Variants in ADAM10 observed in about 807,000 individuals in gnomAD.
ADAM10 encodes disintegrin and metalloproteinase domain-containing protein 10.
In ADAM10, 17 loss-of-function variants were observed where a neutral mutation model predicts 90.1. The observed-to-expected ratio is 0.19, with a 90% CI of 0.13 to 0.28. The LOEUF (loss-of-function observed/expected upper bound fraction) is 0.28. Ranked by LOEUF, ADAM10 falls within the 10% of genes least tolerant of loss-of-function variation. The pLI is 1.00. For missense variants in ADAM10, 610 were observed against 914.3 expected (o/e 0.67, Z 4.29); for synonymous variants, 310 against 298.6 (o/e 1.04, Z -0.40).
chr15:58,678,004 G>C (rs1434666626), intron 4 of ADAM10, among the ~76,000 whole-genome samples: 1 of 152,032 alleles, frequency 6.6e-6, no homozygotes, highest in Non-Finnish European at 1.5e-5. Flanking sequence ...CGAAAGCAAA[G>C]GAATTCATAT....
chr15:58,614,346 G>A (rs1895541672), intron 11 of ADAM10, among the ~76,000 whole-genome samples: 2 of 151,764 alleles, frequency 1.3e-5, no homozygotes, highest in South Asian at 4.2e-4. Flanking sequence ...TAAAATAATA[G>A]CTGAAAATGG....
Position 58,613,038 on chromosome 15 carries a change from C to G in ADAM10, c.1512-1047G>C, listed in dbSNP as rs144332873. ...TGTCAGACCTGACACCAAGAGGGAT[C>G]CCCTTGGCTAAGTCTCACCATTATG... is the stretch of plus-strand genomic sequence containing the variant. On this transcript the variant is annotated intron_variant, in intron 11 of 15. Transcript: ENST00000260408. 2.0e-5 allele frequency among the ~76,000 whole-genome samples: 3 copies of G among 152,310 alleles called. 1 individual carries two copies. The South Asian group carries it at 6.2e-4, about 32-fold the overall frequency.
chr15:58,636,118 A>G (rs1041936471), intron 8 of ADAM10, among the ~76,000 whole-genome samples: 38 of 152,126 alleles, frequency 2.5e-4, no homozygotes, highest in African/African-American at 9.2e-4. Context: ...CTTTACTAAA[A>G]TTACAAAAAT....
chr15:58,611,862 G>C lies in ADAM10; in HGVS notation c.1641C>G (p.Asp547Glu), dbSNP rs781383287. 1.2e-6 allele frequency: 2 copies of C among 1,614,184 alleles called. No homozygotes were observed. Among genetic ancestry groups the C allele is most frequent in the Non-Finnish European group, 8.5e-7 (1 of 1,180,028 alleles). ...TACAGTCTGTGAAGTTTGGTTTAGG[G>C]TCAGATGCTGGGCAGAGAGCTGTGA... ...NGFTALCPAS[D>E]PKPNFTDCNR... The change falls in exon 12 of 16, where the codon GAC becomes GAG. Residue 547 changes from aspartate (D) to glutamate (E), a missense_variant. Around this residue, in one of 4 missense-constraint regions of ADAM10, gnomAD observed 150 missense variants for 268.5 expected, o/e 0.56. Transcript: ENST00000260408.
chr15:58,644,382 ACCATGC>A (rs1194127783), intron 6 of ADAM10, among the ~76,000 whole-genome samples: 7 of 151,556 alleles, frequency 4.6e-5, no homozygotes, highest in Non-Finnish European at 8.8e-5. Flanking sequence ...GGCGCCTACC[ACCATGC>A]CCAGCTAATT....
Position 58,749,555 on chromosome 15 carries a change from G to A in ADAM10, c.-21C>T. On this transcript the variant is annotated 5_prime_UTR_variant, in exon 1 of 16. Coordinates refer to ENST00000260408, the MANE Select transcript of ADAM10 (RefSeq NM_001110.4). ...ACCATCTTCCGCTGCCGCTGCCGCC[G>A]CCGCCGCCTCCTCACGGGTTAACAG... is the stretch of plus-strand genomic sequence containing the variant. 3.2e-6 allele frequency: 5 copies of A among 1,550,568 alleles called. No individual in the cohort carries two copies. The highest frequency in any genetic ancestry group is 4.4e-6 in the Non-Finnish European group (5 of 1,146,528).
intron 9 of ADAM10, among the ~76,000 whole-genome samples, chr15:58,631,186 G>A (rs1355091480): frequency 3.9e-5 from 6 of 152,056 alleles, no homozygotes; most frequent in Non-Finnish European, 7.4e-5. Context: ...CATGCTTTTT[G>A]TACAGCCTAC....
intron 3 of ADAM10, among the ~76,000 whole-genome samples, chr15:58,681,283 G>A (rs1005547613): frequency 1.3e-5 from 2 of 152,016 alleles, no homozygotes; most frequent in African/African-American, 4.8e-5. Flanking sequence ...GATGAAAAAC[G>A]CTTCATTTTG....
intron 4 of ADAM10, among the ~76,000 whole-genome samples, chr15:58,668,018 G>T (rs1368670830): frequency 6.6e-6 from 1 of 152,028 alleles, no homozygotes. Flanking sequence ...GATCTCTCTG[G>T]AAACAGAGAT....
intron 11 of ADAM10, among the ~76,000 whole-genome samples, chr15:58,618,104 C>T (rs1232851655): frequency 1.3e-5 from 2 of 152,154 alleles, no homozygotes; most frequent in African/African-American, 2.4e-5. Context: ...GGAGGCATCA[C>T]ACCACCTAAT....
chr15:58,733,482 G>A (rs540590798), intron 1 of ADAM10, among the ~76,000 whole-genome samples: 1 of 152,276 alleles, frequency 6.6e-6, no homozygotes, highest in South Asian at 2.1e-4. Flanking sequence ...GGAACTGCCT[G>A]CCTCATTCTA....
intron 11 of ADAM10, among the ~76,000 whole-genome samples, chr15:58,613,613 GAAAC>G (rs1372812431): frequency 2.6e-5 from 4 of 151,950 alleles, no homozygotes; most frequent in African/African-American, 9.7e-5. Flanking sequence ...TCATTAAAGA[GAAAC>G]AAAAATCCTG....
chr15:58,667,184 A>C (rs1448320913), intron 4 of ADAM10, among the ~76,000 whole-genome samples: 1 of 152,146 alleles, frequency 6.6e-6, no homozygotes, highest in African/African-American at 2.4e-5. Context: ...ATTTAAAACA[A>C]AGATCAGCTT....
At chr15:58,727,283 C>A (rs1899071455) in intron 1 of ADAM10, among the ~76,000 whole-genome samples, 1 of 150,332 alleles carries the variant, frequency 6.7e-6, no homozygotes, top group Non-Finnish European at 1.5e-5. Context: ...CTCTGCCTCC[C>A]AGGTTCAAGT....
intron 8 of ADAM10, among the ~76,000 whole-genome samples, chr15:58,634,306 A>C (rs1896188651): frequency 6.6e-6 from 1 of 151,962 alleles, no homozygotes; most frequent in Non-Finnish European, 1.5e-5. Flanking sequence ...TGTCTAAAAA[A>C]AAAAAAAAGA....
intron 1 of ADAM10, among the ~76,000 whole-genome samples, chr15:58,722,117 A>C (rs1344294109): frequency 6.6e-6 from 1 of 151,968 alleles, no homozygotes; most frequent in African/African-American, 2.4e-5. Flanking sequence ...AGGCGAGTGG[A>C]TCACCTGAGG....
chr15:58,749,402 G>A lies in ADAM10; in HGVS notation c.55+78C>T, dbSNP rs1321893098. ...GGCTGACTGACGCGCACGCCGCGAG[G>A]CGCGACTGGGCTCCGCTCGGCCCGG... On this transcript the variant is annotated intron_variant, in intron 1 of 15. Coordinates refer to ENST00000260408, the MANE Select transcript of ADAM10 (RefSeq NM_001110.4). The A allele has an allele frequency of 6.0e-6, 8 of 1,323,500 alleles. No individual in the cohort carries two copies. In the South Asian group the frequency reaches 1.3e-4, roughly 22 times the overall value. 82.0% of individuals were successfully genotyped at this position (1,323,500 alleles called of 1,614,324 possible). A position where few individuals can be genotyped will look rare whatever the true frequency, so the allele number is the denominator to read the frequency against.
chr15:58,722,969 C>A (rs373903605), intron 1 of ADAM10, among the ~76,000 whole-genome samples: 1 of 151,782 alleles, frequency 6.6e-6, no homozygotes, highest in African/African-American at 2.4e-5. Context: ...TGGGCTCAAG[C>A]GATCCTCCTG....
intron 1 of ADAM10, 21 bp downstream of exon 1, chr15:58,749,459 G>A (rs1352388891): frequency 2.6e-6 from 4 of 1,527,382 alleles, no homozygotes; most frequent in Non-Finnish European, 3.5e-6. Context: ...GGCGCCCCCG[G>A]CGCTCGCAGT....
Sources: allele counts gnomAD v4.1 joint callset (sites outside exome capture counted in the v4.1 genomes callset), GRCh38; gene constraint gnomAD v4.1.1; regional missense constraint gnomAD v4.1.1; transcripts MANE v1.5; gene names NCBI Gene and HGNC (gene_info 2026-07-23, HGNC 2026-07-21).